The following FHIT variants were observed in gnomAD, a reference collection of about 807,000 sequenced individuals.
FHIT encodes the protein bis(5'-adenosyl)-triphosphatase.
FHIT carries 19 observed loss-of-function variants against 17.9 expected under a neutral mutation model. That is an observed-to-expected ratio of 1.06 (90% CI 0.74 to 1.56). The LOEUF (loss-of-function observed/expected upper bound fraction) is 1.56. Among genes scored for constraint, FHIT ranks in the 40% most tolerant of loss-of-function variants. FHIT has a pLI of 0.00. For missense variants in FHIT, 248 were observed against 189.2 expected (o/e 1.31, Z -1.82); for synonymous variants, 81 against 69.7 (o/e 1.16, Z -0.81).
intron 2 of FHIT, among the ~76,000 whole-genome samples, chr3:61,078,429 G>A (rs960171920): frequency 2.6e-5 from 4 of 152,010 alleles, no homozygotes; most frequent in Non-Finnish European, 5.9e-5. Flanking sequence ...CCAAAAAAGG[G>A]GGGCCTTACC....
intron 5 of FHIT, among the ~76,000 whole-genome samples, chr3:60,376,158 T>C (rs1700550762): frequency 6.6e-6 from 1 of 152,132 alleles, no homozygotes; most frequent in Non-Finnish European, 1.5e-5. Context: ...TCTTTCCCAC[T>C]AAATTATTGA....
At chr3:59,984,770 G>A (rs1043698292) in intron 7 of FHIT, among the ~76,000 whole-genome samples, 16 of 152,188 alleles carry the variant, frequency 1.1e-4, no homozygotes, top group Non-Finnish European at 2.2e-4. Context: ...GGCATACACT[G>A]AGGGACAAAA....
intron 2 of FHIT, among the ~76,000 whole-genome samples, chr3:61,140,261 G>A (rs1393969029): frequency 2.0e-5 from 3 of 152,074 alleles, no homozygotes; most frequent in Non-Finnish European, 4.4e-5. Flanking sequence ...TGATGATGAC[G>A]ATGATGTCTG....
intron 4 of FHIT, among the ~76,000 whole-genome samples, chr3:60,740,756 A>G (rs2042224212): frequency 6.6e-6 from 1 of 152,214 alleles, no homozygotes; most frequent in Non-Finnish European, 1.5e-5. Flanking sequence ...GGAAATGAGG[A>G]CAAAGCTTTT....
intron 3 of FHIT, among the ~76,000 whole-genome samples, chr3:60,905,690 G>C (rs2107243734): frequency 6.6e-6 from 1 of 152,222 alleles, no homozygotes; most frequent in East Asian, 1.9e-4. Context: ...AAAATTATAT[G>C]AAATAATTGC....
At chr3:60,882,111 G>A (rs1300906974) in intron 3 of FHIT, among the ~76,000 whole-genome samples, 3 of 151,990 alleles carry the variant, frequency 2.0e-5, no homozygotes, top group African/African-American at 7.2e-5. Context: ...ACAAACAACT[G>A]TACACCCACA....
intron 3 of FHIT, among the ~76,000 whole-genome samples, chr3:60,948,902 T>G (rs374318300): frequency 1.8e-3 from 279 of 152,248 alleles, no homozygotes; most frequent in African/African-American, 6.5e-3. Flanking sequence ...CTCTTTTGTC[T>G]TCATCACCCA....
chr3:60,485,245 G>T (rs74843090), intron 5 of FHIT, among the ~76,000 whole-genome samples: 11,241 of 152,182 alleles, frequency 0.074, 556 homozygotes, highest in African/African-American at 0.14. Context: ...AGACAGTATA[G>T]TGATTCCTCA....
intron 4 of FHIT, among the ~76,000 whole-genome samples, chr3:60,656,042 A>G (rs1032331087): frequency 5.3e-5 from 8 of 152,186 alleles, no homozygotes; most frequent in Non-Finnish European, 7.3e-5. Context: ...TACAATCCCT[A>G]GCAGTTTAAA....
At chr3:60,598,977 C>G (rs1553667750) in intron 4 of FHIT, among the ~76,000 whole-genome samples, 1 of 152,168 alleles carries the variant, frequency 6.6e-6, no homozygotes, top group Non-Finnish European at 1.5e-5. Context: ...TAGGAATGTT[C>G]TAATTTTCTT....
intron 5 of FHIT, among the ~76,000 whole-genome samples, chr3:60,432,176 A>T (rs965961199): frequency 6.6e-6 from 1 of 151,988 alleles, no homozygotes; most frequent in African/African-American, 2.4e-5. Flanking sequence ...AGGTTTCATC[A>T]TGTTGCCCAG....
At chr3:60,897,434 T>C (rs1705883185) in intron 3 of FHIT, among the ~76,000 whole-genome samples, 1 of 152,176 alleles carries the variant, frequency 6.6e-6, no homozygotes, top group South Asian at 2.1e-4. Context: ...GTTTATTACG[T>C]GTGGTTTATG....
intron 5 of FHIT, among the ~76,000 whole-genome samples, chr3:60,471,167 G>A (rs777667395): frequency 2.0e-5 from 3 of 152,158 alleles, no homozygotes; most frequent in Non-Finnish European, 4.4e-5. Context: ...GGAGCTGTGA[G>A]CTGTGTTGCC....
chr3:60,283,634 T>G (rs1187763357), intron 5 of FHIT, among the ~76,000 whole-genome samples: 2 of 152,130 alleles, frequency 1.3e-5, no homozygotes, highest in African/African-American at 4.8e-5. Context: ...ACTCTACATG[T>G]AAATAAGTCT....
At chr3:60,767,264 T>C (rs1699888861) in intron 4 of FHIT, among the ~76,000 whole-genome samples, 1 of 152,200 alleles carries the variant, frequency 6.6e-6, no homozygotes, top group South Asian at 2.1e-4. Context: ...ATTATATTTG[T>C]TTGCTCACTA....
At chr3:59,817,585 G>GAA (rs1700647078) in intron 8 of FHIT, among the ~76,000 whole-genome samples, 1 of 137,342 alleles carries the variant, frequency 7.3e-6, no homozygotes, top group Non-Finnish European at 1.6e-5. Context: ...AAAAAAGAAA[G>GAA]AAAGAAAGAA....
intron 5 of FHIT, among the ~76,000 whole-genome samples, chr3:60,165,578 G>A (rs1302737333): frequency 2.0e-5 from 3 of 152,116 alleles, no homozygotes; most frequent in Non-Finnish European, 4.4e-5. Context: ...AATAGACATG[G>A]TAGCCTGTCA....
chr3:60,833,511 A>AT (rs1393652431), intron 3 of FHIT, among the ~76,000 whole-genome samples: 1 of 152,178 alleles, frequency 6.6e-6, no homozygotes, highest in African/African-American at 2.4e-5. Flanking sequence ...AGCTTCTACA[A>AT]TTGTATTCTG....
intron 3 of FHIT, among the ~76,000 whole-genome samples, chr3:60,964,340 T>C (rs1709607333): frequency 6.6e-6 from 1 of 152,088 alleles, no homozygotes; most frequent in African/African-American, 2.4e-5. Context: ...GCAGGTGAGA[T>C]GGGTCTCCTG....
Sources: allele counts gnomAD v4.1 joint callset (sites outside exome capture counted in the v4.1 genomes callset), GRCh38; gene constraint gnomAD v4.1.1; transcripts MANE v1.5; gene names NCBI Gene and HGNC (gene_info 2026-07-23, HGNC 2026-07-21).